MAP3K2: variants seen among roughly 807,000 people sequenced by gnomAD.
MAP3K2 encodes MAP/ERK kinase kinase 2.
Under a neutral mutation model 80.3 loss-of-function variants are expected in MAP3K2, and 24 were observed. That is an observed-to-expected ratio of 0.30 (90% CI 0.22 to 0.42). MAP3K2 has a LOEUF of 0.42. Ranked by LOEUF, MAP3K2 falls within the 10% of genes least tolerant of loss-of-function variation. The pLI is 1.00. For missense variants in MAP3K2, 608 were observed against 750.1 expected, an observed-to-expected ratio of 0.81 and a Z score of 2.21; for synonymous variants, 244 against 253.7, an observed-to-expected ratio of 0.96 and a Z score of 0.36.
At chr2:127,371,576 C>T (rs1326593500) in intron 1 of MAP3K2, among the ~76,000 whole-genome samples, 1 of 152,162 alleles carries the variant, frequency 6.6e-6, no homozygotes, top group Non-Finnish European at 1.5e-5. Flanking sequence ...TGTGGATCGC[C>T]AACAAGCAAT....
rs556322857 is a variant in MAP3K2 at position 127,359,880 on chromosome 2, C to T, written c.-65-16686G>A. ...TGAGCAGGTGCCAAAATCATGCTTC[C>T]TATAAAACCTGCAGAACTGTGAGCC... On this transcript the variant is annotated intron_variant, in intron 1 of 16. Transcript: ENST00000682094. Among the ~76,000 whole-genome samples the T allele has an allele frequency of 8.3e-4, 127 of 152,294 alleles. 2 individuals are homozygous for T. Among genetic ancestry groups the T allele is most frequent in the African/African-American group, 2.8e-3 (116 of 41,566 alleles).
chr2:127,323,670 G>A (rs1686072035), intron 11 of MAP3K2, among the ~76,000 whole-genome samples: 1 of 152,204 alleles, frequency 6.6e-6, no homozygotes, highest in Non-Finnish European at 1.5e-5. Flanking sequence ...TCCCGCCTGG[G>A]CAACAAAACC....
At chr2:127,352,017 C>G (rs1385323561) in intron 1 of MAP3K2, among the ~76,000 whole-genome samples, 2 of 152,012 alleles carry the variant, frequency 1.3e-5, no homozygotes, top group African/African-American at 4.8e-5. Flanking sequence ...GCTGGTACTA[C>G]AGGTACGCAC....
At chr2:127,330,569 C>T in intron 5 of MAP3K2, 64 bp from the exon 6 acceptor site, 1 of 719,050 alleles carries the variant, frequency 1.4e-6, no homozygotes, top group Non-Finnish European at 2.4e-6. Flanking sequence ...ATGAGCATCT[C>T]CACTACTAAG....
intron 1 of MAP3K2, among the ~76,000 whole-genome samples, chr2:127,346,066 C>T (rs928063525): frequency 6.6e-6 from 1 of 150,412 alleles, no homozygotes; most frequent in African/African-American, 2.4e-5. Context: ...TTGAAAAGAT[C>T]AACAAAACTA....
At position 127,364,121 on chromosome 2, in the gene MAP3K2, T is replaced by C. The variant is rs536299161; in HGVS notation, c.-65-20927A>G. On this transcript the variant is annotated intron_variant, in intron 1 of 16. Coordinates refer to ENST00000682094, the MANE Select transcript of MAP3K2 (RefSeq NM_001371910.2). The surrounding 1 kb of genome is among the most constrained non-coding windows in gnomAD (Gnocchi z 4.1). The stretch of plus-strand genomic sequence containing the variant: ...TTTCAGTCAATCTAACCTATCTGCT[T>C]TTCTCAAAGGACTTGCTATTAATAG... 1.3e-5 allele frequency among the ~76,000 whole-genome samples: 2 copies of C among 152,324 alleles called. No homozygotes were observed. The highest frequency in any genetic ancestry group is 2.9e-5 in the Non-Finnish European group (2 of 68,028).
At chr2:127,359,506 G>C (rs189520816) in intron 1 of MAP3K2, among the ~76,000 whole-genome samples, 3 of 152,336 alleles carry the variant, frequency 2.0e-5, no homozygotes, top group Non-Finnish European at 4.4e-5. Flanking sequence ...ATTGATGAGA[G>C]AGTGTCAAGC....
intron 1 of MAP3K2, among the ~76,000 whole-genome samples, chr2:127,380,800 G>A (rs1687232077): frequency 6.6e-6 from 1 of 152,146 alleles, no homozygotes; most frequent in Non-Finnish European, 1.5e-5. Context: ...CTTGTTAAGT[G>A]TGTGTAGATA....
Position 127,364,298 on chromosome 2 carries a change from C to T in MAP3K2, c.-65-21104G>A, listed in dbSNP as rs1393814630. ...GAAGCAAATAGATAATCAAAAAAAGCAAAGAGTAGGAGTCAATAGGTTCTG... is the reference window on the plus strand; with the variant it reads ...GAAGCAAATAGATAATCAAAAAAAGTAAAGAGTAGGAGTCAATAGGTTCTG... On this transcript the variant is annotated intron_variant, in intron 1 of 16. Coordinates refer to ENST00000682094, the MANE Select transcript of MAP3K2 (RefSeq NM_001371910.2). This position sits in a 1 kb window ranked among gnomAD's most constrained non-coding sequence, Gnocchi z 4.1. Among the ~76,000 whole-genome samples the T allele has an allele frequency of 1.3e-5, 2 of 152,100 alleles. No homozygotes were observed. The highest frequency in any genetic ancestry group is 2.9e-5 in the Non-Finnish European group (2 of 68,018).
intron 12 of MAP3K2, among the ~76,000 whole-genome samples, chr2:127,319,716 G>A (rs1020479776): frequency 1.3e-4 from 19 of 141,042 alleles, no homozygotes; most frequent in Non-Finnish European, 2.4e-4. Flanking sequence ...GCAGATGCCC[G>A]CAATCCCAGC....
chr2:127,387,780 C>T lies in MAP3K2; in HGVS notation c.-394G>A. 1.0e-6 allele frequency: 1 copy of T among 985,178 alleles called. No individual in the cohort carries two copies. The highest frequency in any genetic ancestry group is 1.2e-6 in the Non-Finnish European group (1 of 829,784). The allele number at this position is 985,178 out of a possible 1,614,324, so 61.0% of individuals were successfully genotyped here. A position where few individuals can be genotyped will look rare whatever the true frequency, so the allele number is the denominator to read the frequency against. ...GGCAGGAAAGGAGGAAGCCGCGGGC[C>T]CGCGTCGCTAGAGACCGGAGAAGAG... is the stretch of plus-strand genomic sequence containing the variant. On this transcript the variant is annotated 5_prime_UTR_variant, in exon 1 of 17. Transcript: ENST00000682094.
At chr2:127,343,374 T>G (rs72845984) in intron 1 of MAP3K2, 180 bp from the exon 2 acceptor site, 16,823 of 448,210 alleles carry the variant, frequency 0.038, 435 homozygotes, top group Middle Eastern at 0.058. Flanking sequence ...CCCCCTTGCC[T>G]AACACATACC....
chr2:127,329,594 A>G (rs895974722), intron 7 of MAP3K2, among the ~76,000 whole-genome samples: 2 of 152,156 alleles, frequency 1.3e-5, no homozygotes, highest in Admixed American at 1.3e-4. Context: ...TGACCTTGTG[A>G]TCTGCCCGCC....
chr2:127,326,772 G>C lies in MAP3K2; in HGVS notation c.512C>G (p.Pro171Arg). ...DRSSPPPGYI[P>R]DELHQVARNG... Reference sequence around the variant, plus strand: ...CCGGGCAACCTGGTGTAATTCATCTGGAATGTAACCTGGGGGAGGAGAACT... The same window carrying C: ...CCGGGCAACCTGGTGTAATTCATCTCGAATGTAACCTGGGGGAGGAGAACT... The change falls in exon 8 of 17, where the codon CCA becomes CGA. Residue 171 changes from proline to arginine, a missense_variant. By Grantham distance (103) the Pro-to-Arg change is moderately radical (BLOSUM62 -2). Transcript: ENST00000682094. The C allele has an allele frequency of 6.2e-7, 1 of 1,603,366 alleles. No homozygotes were observed. The highest frequency in any genetic ancestry group is 8.5e-7 in the Non-Finnish European group (1 of 1,173,794).
At chr2:127,315,233 T>A (rs377708939) in intron 14 of MAP3K2, among the ~76,000 whole-genome samples, 1 of 152,216 alleles carries the variant, frequency 6.6e-6, no homozygotes, top group Non-Finnish European at 1.5e-5. Context: ...CTGAGAAAGC[T>A]GAATCAGTCT....
chr2:127,386,047 T>A (rs1466477522), intron 1 of MAP3K2, among the ~76,000 whole-genome samples: 2 of 152,214 alleles, frequency 1.3e-5, no homozygotes, highest in Admixed American at 6.5e-5. Context: ...ACCATCCACA[T>A]GTTAACTTTG....
Position 127,339,310 on chromosome 2 carries a change from T to C in MAP3K2, c.5-260A>G, listed in dbSNP as rs1686432883. Among the ~76,000 whole-genome samples the C allele has an allele frequency of 1.3e-5, 2 of 152,178 alleles. No homozygotes were observed. The highest frequency in any genetic ancestry group is 1.3e-4 in the Admixed American group (2 of 15,278). On this transcript the variant is annotated intron_variant, in intron 2 of 16. Coordinates refer to ENST00000682094, the MANE Select transcript of MAP3K2 (RefSeq NM_001371910.2). The surrounding 1 kb of genome is among the most constrained non-coding windows in gnomAD (Gnocchi z 4.2). The stretch of plus-strand genomic sequence containing the variant: ...TGATTCTTCCAATGATTTAATATCC[T>C]AGAATAAGGTCAAAACTGCCCTGTT...
chr2:127,322,437 T>C lies in MAP3K2; in HGVS notation c.839-185A>G, dbSNP rs189541177. On this transcript the variant is annotated intron_variant, in intron 11 of 16. Coordinates refer to ENST00000682094, the MANE Select transcript of MAP3K2 (RefSeq NM_001371910.2). The surrounding 1 kb of genome is among the most constrained non-coding windows in gnomAD (Gnocchi z 4.2). Reference sequence around the variant, plus strand: ...TACAAATTCAAATAATCTCTTATGATAAAACATGTATGAGTGTGCACACAG... The same window carrying C: ...TACAAATTCAAATAATCTCTTATGACAAAACATGTATGAGTGTGCACACAG... 9.2e-5 allele frequency among the ~76,000 whole-genome samples: 14 copies of C among 152,260 alleles called. No individual in the cohort carries two copies. Among genetic ancestry groups the C allele is most frequent in the Admixed American group, 9.2e-4 (14 of 15,290 alleles).
rs188563467 is a variant in MAP3K2 at position 127,364,308 on chromosome 2, G to A, written c.-65-21114C>T. 3.2e-4 allele frequency among the ~76,000 whole-genome samples: 48 copies of A among 152,278 alleles called. 1 individual carries two copies. Among genetic ancestry groups the A allele is most frequent in the Non-Finnish European group, 5.9e-5 (4 of 68,026 alleles). On this transcript the variant is annotated intron_variant, in intron 1 of 16. Transcript: ENST00000682094. The surrounding 1 kb of genome is among the most constrained non-coding windows in gnomAD (Gnocchi z 4.1). The stretch of plus-strand genomic sequence containing the variant: ...GATAATCAAAAAAAGCAAAGAGTAG[G>A]AGTCAATAGGTTCTGAGTTATACTA...
Sources: allele counts gnomAD v4.1 joint callset (sites outside exome capture counted in the v4.1 genomes callset), GRCh38; gene constraint gnomAD v4.1.1; non-coding constraint Gnocchi (gnomAD v3.1); transcripts MANE v1.5; gene names NCBI Gene and HGNC (gene_info 2026-07-23, HGNC 2026-07-21).